TACR3: variants seen among roughly 807,000 people sequenced by gnomAD.
The protein encoded by TACR3 is neuromedin-K receptor.
A neutral mutation model predicts 35.0 loss-of-function variants in TACR3; 34 were observed. The ratio of observed to expected loss-of-function variants is 0.97; its 90% CI spans 0.74 to 1.30. The LOEUF is 1.30. TACR3 is among the 50% of genes most tolerant of loss of function. The pLI is 0.00. For synonymous variants in TACR3, 233 were observed against 221.1 expected (o/e 1.05, Z -0.48); for missense variants, 558 against 591.7 (o/e 0.94, Z 0.59).
chr4:103,664,641 T>C (rs1213135797), intron 1 of TACR3, among the ~76,000 whole-genome samples: 3 of 152,200 alleles, frequency 2.0e-5, no homozygotes, highest in African/African-American at 7.2e-5. Context: ...TAAAGATTAG[T>C]TGCAACAGCT....
rs190208554 is a variant in TACR3, at chr4:103,630,898, C to T, written c.888+25296G>A. 2.4e-4 allele frequency among the ~76,000 whole-genome samples: 36 copies of T among 152,210 alleles called. No individual in the cohort carries two copies. In the East Asian group the frequency reaches 6.9e-3, roughly 29 times the overall value. On this transcript the variant is annotated intron_variant, in intron 3 of 4. Transcript: ENST00000304883. Reference sequence around the variant, plus strand: ...ACACACACGTGTGTTTATCGTGGCACTATTCACAATAGCAAAGACTTGGAA... The same window carrying T: ...ACACACACGTGTGTTTATCGTGGCATTATTCACAATAGCAAAGACTTGGAA...
chr4:103,611,496 TAAGGCAGAGGGGGAGTA>T (rs1303671678), intron 3 of TACR3, among the ~76,000 whole-genome samples: 1 of 152,194 alleles, frequency 6.6e-6, no homozygotes, highest in Non-Finnish European at 1.5e-5. Flanking sequence ...AGTTGCCTCC[TAAGGCAGAGGGGGAGTA>T]AAATTTGTTG....
At position 103,658,233 on chromosome 4, in the gene TACR3, C is replaced by A. The variant is rs369694496; in HGVS notation, c.719G>T (p.Gly240Val). Reference sequence around the variant, plus strand: ...AACTTACGTGAAATGTTGTTTGGGACCTTCTGGCCATTGCACAAAGCAGAG... The same window carrying A: ...AACTTACGTGAAATGTTGTTTGGGAACTTCTGGCCATTGCACAAAGCAGAG... ...RTLCFVQWPE[G>V]PKQHFTYHII... The change falls in exon 2 of 5, where the codon GGT becomes GTT. Residue 240 changes from glycine (G) to valine (V), a missense_variant. Physicochemically the swap from Gly to Val is moderately radical, Grantham distance 109. Transcript: ENST00000304883. 6.2e-7 allele frequency: 1 copy of A among 1,613,808 alleles called. No individual in the cohort carries two copies. Among genetic ancestry groups the A allele is most frequent in the Non-Finnish European group, 8.5e-7 (1 of 1,179,878 alleles).
At chr4:103,675,552 A>T (rs148641041) in intron 1 of TACR3, among the ~76,000 whole-genome samples, 76 of 152,334 alleles carry the variant, frequency 5.0e-4, no homozygotes, top group Non-Finnish European at 7.1e-4. Context: ...GTTATCCAGG[A>T]CTAGCAATGC....
intron 3 of TACR3, among the ~76,000 whole-genome samples, chr4:103,597,812 A>G (rs1170850961): frequency 1.3e-5 from 2 of 152,226 alleles, no homozygotes; most frequent in African/African-American, 2.4e-5. Flanking sequence ...ATAGTATTCC[A>G]TGGTGTATAT....
In TACR3 at chr4:103,650,641, ATTT is replaced by A. The variant is rs1239526297; in HGVS notation, c.888+5550_888+5552del. ...TATTATATATAAATATATAATATATATTTAATATATATAAATATATATAAATAA... is the reference window on the plus strand; with the variant it reads ...TATTATATATAAATATATAATATATAAATATATATAAATATATATAAATAA... On this transcript the variant is annotated intron_variant, in intron 3 of 4. Transcript: ENST00000304883. 1.2e-3 allele frequency among the ~76,000 whole-genome samples: 85 copies of A among 68,908 alleles called. 3 individuals are homozygous for A. The highest frequency in any genetic ancestry group is 6.3e-3 in the African/African-American group (83 of 13,246). 45.2% of individuals were successfully genotyped at this position (68,908 alleles called of 152,430 possible).
intron 1 of TACR3, among the ~76,000 whole-genome samples, chr4:103,677,052 C>G (rs567125436): frequency 5.3e-5 from 8 of 152,090 alleles, no homozygotes; most frequent in Middle Eastern, 6.8e-3. Context: ...GGACAAAGGA[C>G]GAGAACAGAC....
intron 3 of TACR3, among the ~76,000 whole-genome samples, chr4:103,607,982 A>C (rs76470717): frequency 0.019 from 2,850 of 152,262 alleles, 37 homozygotes; most frequent in South Asian, 0.035. Flanking sequence ...GTTGAACTGA[A>C]CCAGAGTACC....
chr4:103,703,147 C>A lies in TACR3; in HGVS notation c.548+15981G>T, dbSNP rs114219431. On this transcript the variant is annotated intron_variant, in intron 1 of 4. Coordinates refer to ENST00000304883, the MANE Select transcript of TACR3 (RefSeq NM_001059.3). The stretch of plus-strand genomic sequence containing the variant: ...TCAATTTGTCCTATTTTGGAGTCCA[C>A]ATTGTTTTGCATGTATCTCAGAGTC... Among the ~76,000 whole-genome samples the A allele has an allele frequency of 8.1e-3, 1,227 of 152,222 alleles. 20 individuals are homozygous for A. The highest frequency in any genetic ancestry group is 0.028 in the African/African-American group (1,174 of 41,548).
chr4:103,589,280 G>C lies in TACR3; in HGVS notation c.*402C>G, dbSNP rs182362142. The C allele has an allele frequency of 2.1e-3, 345 of 166,894 alleles. 1 individual carries two copies. The highest frequency in any genetic ancestry group is 2.2e-3 in the Non-Finnish European group (167 of 75,650). 10.3% of individuals were successfully genotyped at this position (166,894 alleles called of 1,614,324 possible). Reference sequence around the variant, plus strand: ...GCCTATTTTATACAGATTTTATACAGATTTTGTTTCCCTTCACTTACAATA... The same window carrying C: ...GCCTATTTTATACAGATTTTATACACATTTTGTTTCCCTTCACTTACAATA... On this transcript the variant is annotated 3_prime_UTR_variant, in exon 5 of 5. Transcript: ENST00000304883.
rs1723178332 is a variant in TACR3, at chr4:103,719,920, T to C, written c.-245A>G. 1.2e-5 allele frequency: 7 copies of C among 592,184 alleles called. No homozygotes were observed. The highest frequency in any genetic ancestry group is 2.8e-5 in the East Asian group (1 of 35,668). 36.7% of individuals were successfully genotyped at this position (592,184 alleles called of 1,614,324 possible). ...CAGAAAGAATGAGATCCTCCCGAGATTAAGGGTTATCGAGTCACATCACAC... is the reference window on the plus strand; with the variant it reads ...CAGAAAGAATGAGATCCTCCCGAGACTAAGGGTTATCGAGTCACATCACAC... On this transcript the variant is annotated 5_prime_UTR_variant, in exon 1 of 5. Coordinates refer to ENST00000304883, the MANE Select transcript of TACR3 (RefSeq NM_001059.3).
chr4:103,622,019 G>A (rs1578230432), intron 3 of TACR3, among the ~76,000 whole-genome samples: 1 of 152,168 alleles, frequency 6.6e-6, no homozygotes, highest in East Asian at 1.9e-4. Context: ...AAGAAGAAAA[G>A]CCAAAAAAGT....
chr4:103,598,182 T>G (rs995413700), intron 3 of TACR3, among the ~76,000 whole-genome samples: 10 of 152,356 alleles, frequency 6.6e-5, no homozygotes, highest in African/African-American at 2.2e-4. Context: ...GTGGTTTTGA[T>G]TTGCATTTCT....
chr4:103,683,773 G>A (rs1351349810), intron 1 of TACR3, among the ~76,000 whole-genome samples: 1 of 151,468 alleles, frequency 6.6e-6, no homozygotes, highest in Non-Finnish European at 1.5e-5. Context: ...CTACATAATT[G>A]AAAAGTAGAG....
intron 3 of TACR3, among the ~76,000 whole-genome samples, chr4:103,636,250 T>G (rs1216045247): frequency 6.6e-6 from 1 of 151,918 alleles, no homozygotes; most frequent in African/African-American, 2.4e-5. Flanking sequence ...CCATCTGAAC[T>G]AAAAAACACA....
intron 1 of TACR3, among the ~76,000 whole-genome samples, chr4:103,696,601 T>C (rs1382313825): frequency 6.6e-6 from 1 of 152,184 alleles, no homozygotes; most frequent in Non-Finnish European, 1.5e-5. Context: ...AGTGGTGAAC[T>C]ATCTTGAAGA....
At chr4:103,634,398 AC>A (rs1460356773) in intron 3 of TACR3, among the ~76,000 whole-genome samples, 1 of 152,096 alleles carries the variant, frequency 6.6e-6, no homozygotes, top group East Asian at 1.9e-4. Flanking sequence ...AGAAACATAA[AC>A]AGTGAGAAGA....
At chr4:103,664,046 A>T (rs1725887928) in intron 1 of TACR3, among the ~76,000 whole-genome samples, 1 of 152,250 alleles carries the variant, frequency 6.6e-6, no homozygotes, top group African/African-American at 2.4e-5. Flanking sequence ...CATAAGTAAC[A>T]GCTAAGAGCT....
chr4:103,677,013 G>T (rs1437243853), intron 1 of TACR3, among the ~76,000 whole-genome samples: 1 of 151,732 alleles, frequency 6.6e-6, no homozygotes, highest in Admixed American at 6.6e-5. Context: ...AAATTTACAA[G>T]AAAAAAATAA....
Sources: gnomAD v4.1 joint callset for allele counts (sites outside exome capture counted in the v4.1 genomes callset) on GRCh38, gnomAD v4.1.1 for gene constraint, MANE v1.5 for transcripts, NCBI Gene and HGNC (gene_info 2026-07-23, HGNC 2026-07-21) for gene names.